Variants in ABR observed in about 807,000 individuals in gnomAD.
The protein encoded by ABR is ABR activator of RhoGEF and GTPase.
Under a neutral mutation model 107.2 loss-of-function variants are expected in ABR, and 35 were observed. The ratio of observed to expected loss-of-function variants is 0.33; its 90% CI spans 0.25 to 0.43. ABR has a LOEUF of 0.43. Among genes scored for constraint, ABR ranks in the 20% least tolerant of loss-of-function variants. The pLI is 1.00. For synonymous variants in ABR, 498 were observed against 462.0 expected (o/e 1.08, Z -1.00); for missense variants, 815 against 1,115.2 (o/e 0.73, Z 3.83).
Position 1,078,844 on chromosome 17 carries a change from TGAG to T in ABR, c.700+483_700+485del. 1 of 1,535,482 alleles carries T rather than the reference TGAG, an allele frequency of 6.5e-7. No homozygotes were observed. The highest frequency in any genetic ancestry group is 8.7e-7 in the Non-Finnish European group (1 of 1,146,816). ...GTGCAGTTACAGCAGAAGCGAATAA[TGAG>T]GAGAATCTCCATGGCAGCCTCTGTC... On this transcript the variant is annotated intron_variant, in intron 6 of 22. Coordinates refer to ENST00000302538, the MANE Select transcript of ABR (RefSeq NM_021962.5). This position sits in a 1 kb window ranked among gnomAD's most constrained non-coding sequence, Gnocchi z 7.5.
At chr17:1,088,307 G>GC (rs1490253489) in intron 4 of ABR, among the ~76,000 whole-genome samples, 1 of 151,998 alleles carries the variant, frequency 6.6e-6, no homozygotes, top group Non-Finnish European at 1.5e-5. Context: ...AGGAGAGGAT[G>GC]CCCCCCAGGC....
Position 1,037,842 on chromosome 17 carries a change from G to A in ABR, c.1791+12208C>T, listed in dbSNP as rs2073314131. 6.6e-6 allele frequency among the ~76,000 whole-genome samples: 1 copy of A among 152,160 alleles called. No homozygotes were observed. Among genetic ancestry groups the A allele is most frequent in the Non-Finnish European group, 1.5e-5 (1 of 68,022 alleles). ...AGCTCCGAGCTCATGGTGGCCAGAA[G>A]CAAAGCCCTGGGAGCCAGGGACCTG... On this transcript the variant is annotated intron_variant, in intron 16 of 22. Coordinates refer to ENST00000302538, the MANE Select transcript of ABR (RefSeq NM_021962.5). This position sits in a 1 kb window ranked among gnomAD's most constrained non-coding sequence, Gnocchi z 4.6.
chr17:1,007,145 C>T lies in ABR; in HGVS notation c.2490+20G>A, dbSNP rs201709354. 0.011 allele frequency: 17,091 copies of T among 1,519,174 alleles called. 314 individuals are homozygous for T. Among genetic ancestry groups the T allele is most frequent in the Non-Finnish European group, 0.012 (12,812 of 1,103,290 alleles). The allele number at this position is 1,519,174 out of a possible 1,614,324, so 94.1% of individuals were successfully genotyped here. ...ACCGTCACCCTCCGCCAGCCACGGG[C>T]CCGGGCGGTGCCAGGGTACCTGCGC... is the stretch of plus-strand genomic sequence containing the variant. On this transcript the variant is annotated intron_variant, in intron 22 of 22. Coordinates refer to ENST00000302538, the MANE Select transcript of ABR (RefSeq NM_021962.5).
chr17:1,146,999 A>G (rs2151515780), intron 1 of ABR, among the ~76,000 whole-genome samples: 1 of 152,368 alleles, frequency 6.6e-6, no homozygotes, highest in African/African-American at 2.4e-5. Flanking sequence ...CAACACGACC[A>G]GTGCCCAGCA....
intron 1 of ABR, among the ~76,000 whole-genome samples, chr17:1,173,443 A>G (rs1490919591): frequency 6.8e-6 from 1 of 146,592 alleles, no homozygotes; most frequent in East Asian, 2.0e-4. Context: ...GGTTGTCTTG[A>G]AGCCGCCTGC....
At chr17:1,046,351 G>A (rs1433329076) in intron 16 of ABR, among the ~76,000 whole-genome samples, 2 of 139,250 alleles carry the variant, frequency 1.4e-5, no homozygotes, top group Non-Finnish European at 1.6e-5. Context: ...TTGGCCAGGC[G>A]GGTCTTGAAC....
intron 2 of ABR, among the ~76,000 whole-genome samples, chr17:1,124,037 G>C (rs1380540767): frequency 6.6e-6 from 1 of 152,116 alleles, no homozygotes; most frequent in East Asian, 1.9e-4. Flanking sequence ...ACTCGGCCTC[G>C]GCCTCTGTTG....
At chr17:1,100,786 C>T in intron 2 of ABR, 51 bp from the exon 3 acceptor site, 1 of 1,570,466 alleles carries the variant, frequency 6.4e-7, no homozygotes, top group Non-Finnish European at 8.8e-7. Context: ...GAGGCCAAAA[C>T]CCTGCGTGGA....
intron 1 of ABR, among the ~76,000 whole-genome samples, chr17:1,201,821 C>G (rs774919264): frequency 6.6e-6 from 1 of 152,054 alleles, no homozygotes; most frequent in Non-Finnish European, 1.5e-5. Flanking sequence ...GGACAACAGG[C>G]GCCCACCACC....
chr17:1,178,564 CAAA>C (rs11301468), intron 1 of ABR, among the ~76,000 whole-genome samples: 7 of 121,884 alleles, frequency 5.7e-5, no homozygotes, highest in East Asian at 2.3e-4. Flanking sequence ...GACTCCGTCT[CAAA>C]AAAAAAAAAA....
At position 1,011,720 on chromosome 17, in the gene ABR, G is replaced by A. The variant is rs2070565522; in HGVS notation, c.2101+126C>T. ...GATTACAAGAGAAAGCACTTGCCAC[G>A]GGGACTCTGAAGCAGAGCAAGCCTC... On this transcript the variant is annotated intron_variant, in intron 19 of 22. Transcript: ENST00000302538. The surrounding 1 kb of genome is among the most constrained non-coding windows in gnomAD (Gnocchi z 4.8). 6 of 1,225,720 alleles carry A rather than the reference G, an allele frequency of 4.9e-6. No homozygotes were observed. The highest frequency in any genetic ancestry group is 2.7e-4 in the Middle Eastern group (1 of 3,726). 75.9% of individuals were successfully genotyped at this position (1,225,720 alleles called of 1,614,324 possible). A position where few individuals can be genotyped will look rare whatever the true frequency, so the allele number is the denominator to read the frequency against.
chr17:1,140,885 T>C lies in ABR; in HGVS notation c.62-15518A>G, dbSNP rs568986384. Among the ~76,000 whole-genome samples, 3 of 151,712 alleles carry C rather than the reference T, an allele frequency of 2.0e-5. No homozygotes were observed. In the South Asian group the frequency reaches 6.3e-4, roughly 32 times the overall value. On this transcript the variant is annotated intron_variant, in intron 1 of 22. Transcript: ENST00000302538. ...AGTGTGAGCCACCGCGCCCGGCCAG[T>C]CTTCTATTGCACTGGGAGGCAGAGG...
At chr17:1,125,155 A>G in intron 2 of ABR, 28 bp downstream of exon 2, 2 of 1,538,754 alleles carry the variant, frequency 1.3e-6, no homozygotes, top group African/African-American at 1.4e-5. Flanking sequence ...CCCTCCCCAA[A>G]CCCAGAAAGA....
At position 1,079,348 on chromosome 17, in the gene ABR, T is replaced by C. The variant is rs2036024040; in HGVS notation, c.682A>G (p.Thr228Ala). ...GAGGTACCTTCCATGGTGACAGACG[T>C]GTGGCTGTCCTTGGAGTCCTTGGGA... ...KGPKDSKDSHTSVTMEALLYK... is the reference protein window; with the variant it reads ...KGPKDSKDSHASVTMEALLYK... Residue 228 changes from threonine to alanine, a missense_variant, in exon 6 of 23, where the codon ACG becomes GCG. Thr to Ala is a moderately conservative substitution (Grantham distance 58). This residue lies in a region of ABR where 385 missense variants were observed against 596.9 expected (regional missense o/e 0.64). Transcript: ENST00000302538. The C allele has an allele frequency of 6.2e-7, 1 of 1,613,616 alleles. No homozygotes were observed. Among genetic ancestry groups the C allele is most frequent in the Non-Finnish European group, 8.5e-7 (1 of 1,179,770 alleles).
At position 1,017,558 on chromosome 17, in the gene ABR, C is replaced by A. The variant is rs982544314; in HGVS notation, c.1792-4394G>T. On this transcript the variant is annotated intron_variant, in intron 16 of 22. Transcript: ENST00000302538. ...GATCTCGGCTGACTGCAACCCGTCTCCCAGGTTCAACCGATTCTTCTGCCT... is the reference window on the plus strand; with the variant it reads ...GATCTCGGCTGACTGCAACCCGTCTACCAGGTTCAACCGATTCTTCTGCCT... Among the ~76,000 whole-genome samples the A allele has an allele frequency of 7.3e-5, 11 of 150,072 alleles. No homozygotes were observed. In the South Asian group the frequency reaches 2.3e-3, roughly 32 times the overall value.
At chr17:1,145,187 C>T (rs1322493955) in intron 1 of ABR, among the ~76,000 whole-genome samples, 4 of 152,152 alleles carry the variant, frequency 2.6e-5, no homozygotes, top group African/African-American at 7.2e-5. Context: ...ACAGGACTCA[C>T]GCAGAGCCAA....
chr17:1,209,975 C>T (rs1300706866), intron 1 of ABR, among the ~76,000 whole-genome samples: 3 of 152,166 alleles, frequency 2.0e-5, no homozygotes, highest in African/African-American at 7.2e-5. Context: ...ATGATCTTTG[C>T]TGCTGAAGAA....
chr17:1,180,931 G>A (rs1019712418), upstream of ABR, among the ~76,000 whole-genome samples: 4 of 152,318 alleles, frequency 2.6e-5, no homozygotes, highest in African/African-American at 9.6e-5. Flanking sequence ...GGGGTCCAGG[G>A]CAGTGGGGCT....
At chr17:1,053,930 G>A (rs2440759) in intron 14 of ABR, among the ~76,000 whole-genome samples, 116,739 of 152,124 alleles carry the variant, frequency 0.77, 45,083 homozygotes, top group East Asian at 0.97. Context: ...AGGGAGGTCT[G>A]TGGGTCTGGA....
Sources: gnomAD v4.1 joint callset for allele counts (sites outside exome capture counted in the v4.1 genomes callset) on GRCh38, gnomAD v4.1.1 for gene constraint, gnomAD v4.1.1 regional missense constraint, Gnocchi (gnomAD v3.1) non-coding constraint, MANE v1.5 for transcripts, NCBI Gene and HGNC (gene_info 2026-07-23, HGNC 2026-07-21) for gene names.